The following MRC2 variants were observed in gnomAD, a reference collection of about 807,000 sequenced individuals.
The protein encoded by MRC2 is C-type mannose receptor 2.
Under a neutral mutation model 206.2 loss-of-function variants are expected in MRC2, and 84 were observed. That is an observed-to-expected ratio of 0.41 (90% confidence interval 0.34 to 0.49). The LOEUF (loss-of-function observed/expected upper bound fraction) is 0.49. Ranked by LOEUF, MRC2 falls within the 20% of genes least tolerant of loss-of-function variation. The pLI, the probability that MRC2 is intolerant of heterozygous loss-of-function variation, is 0.31. For synonymous variants in MRC2, 798 were observed against 800.0 expected (o/e 1.00, Z 0.04); for missense variants, 1,676 against 2,001.5 (o/e 0.84, Z 3.10).
intron 13 of MRC2, among the ~76,000 whole-genome samples, chr17:62,679,150 A>ATT (rs1219925733): frequency 6.6e-6 from 1 of 152,192 alleles, no homozygotes; most frequent in Non-Finnish European, 1.5e-5. Flanking sequence ...AGCACGTGGA[A>ATT]TCCCCTAGCA....
At position 62,666,912 on chromosome 17, in the gene MRC2, C is replaced by T. The variant is rs760735064; in HGVS notation, c.973+42C>T. ...GGGGCGCAGGGCAGCATAGGGGCCC[C>T]GCGGGCTCTTGGCCTCCCATGGACT... On this transcript the variant is annotated intron_variant, in intron 5 of 29. Transcript: ENST00000303375. The surrounding 1 kb of genome is among the most constrained non-coding windows in gnomAD (Gnocchi z 5.0). 9.1e-6 allele frequency: 14 copies of T among 1,531,926 alleles called. No individual in the cohort carries two copies. Among genetic ancestry groups the T allele is most frequent in the Middle Eastern group, 1.8e-4 (1 of 5,406 alleles). 94.9% of individuals were successfully genotyped at this position (1,531,926 alleles called of 1,614,324 possible). A position where few individuals can be genotyped will look rare whatever the true frequency, so the allele number is the denominator to read the frequency against.
rs1323093156 is a variant in MRC2, at chr17:62,672,757, T to C, written c.1461+605T>C. ...CTATAATCCCAGCACATTGGGAGGC[T>C]GAGGCAGGCGGATCACTTGAGGTGA... is the stretch of plus-strand genomic sequence containing the variant. On this transcript the variant is annotated intron_variant, in intron 8 of 29. Coordinates refer to ENST00000303375, the MANE Select transcript of MRC2 (RefSeq NM_006039.5). This position sits in a 1 kb window ranked among gnomAD's most constrained non-coding sequence, Gnocchi z 4.5. 2.6e-5 allele frequency among the ~76,000 whole-genome samples: 4 copies of C among 152,126 alleles called. No homozygotes were observed. The East Asian group carries it at 5.8e-4, about 22-fold the overall frequency.
rs2088811768 is a variant in MRC2, at chr17:62,670,291, C to A, written c.1118-1358C>A. Among the ~76,000 whole-genome samples, 2 of 152,372 alleles carry A rather than the reference C, an allele frequency of 1.3e-5. 1 individual carries two copies. The highest frequency in any genetic ancestry group is 1.3e-4 in the Admixed American group (2 of 15,312). ...AGCTCCCTTCCGGTCCTTGAGGCCC[C>A]TCGGGTCTCAGCAGCCACTAAAATC... is the stretch of plus-strand genomic sequence containing the variant. On this transcript the variant is annotated intron_variant, in intron 6 of 29. Coordinates refer to ENST00000303375, the MANE Select transcript of MRC2 (RefSeq NM_006039.5).
intron 10 of MRC2, 141 bp downstream of exon 10, chr17:62,676,046 T>A (rs188325837): frequency 2.0e-5 from 14 of 699,036 alleles, no homozygotes; most frequent in Non-Finnish European, 3.1e-5. Context: ...CAGGGCATTT[T>A]AAAATCTTGT....
chr17:62,636,377 C>A (rs1439142139), intron 1 of MRC2, among the ~76,000 whole-genome samples: 1 of 151,788 alleles, frequency 6.6e-6, no homozygotes, highest in East Asian at 1.9e-4. Flanking sequence ...AGGCCACAGT[C>A]TACCACTGGT....
intron 12 of MRC2, 110 bp from the exon 13 acceptor site, chr17:62,678,394 G>A: frequency 1.4e-6 from 2 of 1,436,686 alleles, no homozygotes; most frequent in South Asian, 2.8e-5. Context: ...TTAGCCCCCT[G>A]TCCAGTAAGG....
rs748220584 is a variant in MRC2 at position 62,680,964 on chromosome 17, G to T, written c.2634+4G>T. 3 of 1,612,718 alleles carry T rather than the reference G, an allele frequency of 1.9e-6. No individual in the cohort carries two copies. The South Asian group carries it at 3.3e-5, about 18-fold the overall frequency. Reference sequence around the variant, plus strand: ...CCTGAGCCACAACTTGCAGAAGGTGGGCATTGGATTGAGCAGGGGGCTGCA... The same window carrying T: ...CCTGAGCCACAACTTGCAGAAGGTGTGCATTGGATTGAGCAGGGGGCTGCA... On this transcript the variant is annotated splice_donor_region_variant and intron_variant, in intron 17 of 29. Transcript: ENST00000303375. This position sits in a 1 kb window ranked among gnomAD's most constrained non-coding sequence, Gnocchi z 4.8.
intron 10 of MRC2, among the ~76,000 whole-genome samples, 187 bp from the exon 11 acceptor site, chr17:62,676,196 G>C (rs2088889549): frequency 6.6e-6 from 1 of 152,206 alleles, no homozygotes; most frequent in South Asian, 2.1e-4. Flanking sequence ...AAAGCAAGGG[G>C]TGCAGAGAAT....
chr17:62,674,531 T>C (rs1044331701), intron 9 of MRC2, among the ~76,000 whole-genome samples: 2 of 152,102 alleles, frequency 1.3e-5, no homozygotes, highest in Non-Finnish European at 2.9e-5. Flanking sequence ...AAGTGAAGTG[T>C]GGCCCCTGTG....
At chr17:62,683,266 C>T (rs143333530) in intron 20 of MRC2, among the ~76,000 whole-genome samples, 2,008 of 150,120 alleles carry the variant, frequency 0.013, 55 homozygotes, top group African/African-American at 0.048. Context: ...ATTAGGAGTT[C>T]GAGACCAGCC....
intron 1 of MRC2, among the ~76,000 whole-genome samples, chr17:62,656,993 T>G (rs545953180): frequency 6.6e-6 from 1 of 152,352 alleles, no homozygotes; most frequent in East Asian, 1.9e-4. Flanking sequence ...AAGCTTTATG[T>G]GTTCCAGGGG....
At chr17:62,635,963 G>A (rs945708352) in intron 1 of MRC2, among the ~76,000 whole-genome samples, 2 of 150,908 alleles carry the variant, frequency 1.3e-5, no homozygotes, top group Non-Finnish European at 3.0e-5. Context: ...AATTTTTTGT[G>A]TTTTTAGTAG....
intron 1 of MRC2, among the ~76,000 whole-genome samples, chr17:62,630,510 T>C (rs1464997861): frequency 6.6e-6 from 1 of 152,136 alleles, no homozygotes; most frequent in Non-Finnish European, 1.5e-5. Flanking sequence ...GCTGGGCTCT[T>C]CTGGGGATGA....
At position 62,680,219 on chromosome 17, in the gene MRC2, G is replaced by A; in HGVS notation, c.2348G>A (p.Arg783Gln). ...AGCCGGCACGACGACGACGACATCCGAGGCTGTGCGGTGCTGGACCTGGCC... is the reference window on the plus strand; with the variant it reads ...AGCCGGCACGACGACGACGACATCCAAGGCTGTGCGGTGCTGGACCTGGCC... ...DRSRHDDDDI[R>Q]GCAVLDLASL... The change falls in exon 15 of 30, where the codon CGA becomes CAA. Residue 783 changes from arginine to glutamine, a missense_variant. Around this residue, in one of 3 missense-constraint regions of MRC2, gnomAD observed 1,354 missense variants for 1,636.6 expected, o/e 0.83. Transcript: ENST00000303375. This position sits in a 1 kb window ranked among gnomAD's most constrained non-coding sequence, Gnocchi z 4.8. 1.2e-6 allele frequency: 2 copies of A among 1,614,128 alleles called. No individual in the cohort carries two copies. Among genetic ancestry groups the A allele is most frequent in the Non-Finnish European group, 1.7e-6 (2 of 1,180,016 alleles).
At chr17:62,677,527 CA>C (rs1343182365) in intron 12 of MRC2, 41 bp downstream of exon 12, 2 of 1,523,260 alleles carry the variant, frequency 1.3e-6, no homozygotes, top group Admixed American at 3.9e-5. Context: ...AGGGGGAGGA[CA>C]GGAGCAAAGA....
chr17:62,654,640 C>T (rs2088595900), intron 1 of MRC2, among the ~76,000 whole-genome samples: 1 of 152,126 alleles, frequency 6.6e-6, no homozygotes, highest in South Asian at 2.1e-4. Flanking sequence ...AGCCTTTGCA[C>T]TCAGCCTCGC....
At chr17:62,691,169 C>T (rs776576406) in intron 28 of MRC2, 41 bp downstream of exon 28, 13 of 1,550,864 alleles carry the variant, frequency 8.4e-6, no homozygotes, top group East Asian at 4.8e-5. Context: ...CCTTCCACCC[C>T]GTGCCGCTGG....
At chr17:62,669,616 G>A (rs768860813) in intron 6 of MRC2, among the ~76,000 whole-genome samples, 8 of 151,958 alleles carry the variant, frequency 5.3e-5, no homozygotes, top group Non-Finnish European at 8.8e-5. Flanking sequence ...TGCAACCTCC[G>A]CCTCCCAGGT....
At chr17:62,638,138 C>T (rs2088349620) in intron 1 of MRC2, among the ~76,000 whole-genome samples, 1 of 152,164 alleles carries the variant, frequency 6.6e-6, no homozygotes, top group East Asian at 1.9e-4. Flanking sequence ...GTTGGGATTA[C>T]AGGCGTGAGC....
Sources: gnomAD v4.1 joint callset for allele counts (sites outside exome capture counted in the v4.1 genomes callset) on GRCh38, gnomAD v4.1.1 for gene constraint, gnomAD v4.1.1 regional missense constraint, Gnocchi (gnomAD v3.1) non-coding constraint, MANE v1.5 for transcripts, NCBI Gene and HGNC (gene_info 2026-07-23, HGNC 2026-07-21) for gene names.